The following NT5C2 variants were observed in gnomAD, a reference collection of about 807,000 sequenced individuals.
NT5C2 encodes the protein cytosolic purine 5'-nucleotidase.
NT5C2 carries 58 observed loss-of-function variants against 76.1 expected under a neutral mutation model. That is an observed-to-expected ratio of 0.76 (90% confidence interval 0.62 to 0.95). The LOEUF (loss-of-function observed/expected upper bound fraction) is 0.95, where lower values mean the gene tolerates loss of function less well. Ranked by LOEUF, NT5C2 falls within the 40% of genes least tolerant of loss-of-function variation. NT5C2 has a pLI of 0.00. For synonymous variants in NT5C2, 229 were observed against 237.4 expected, an observed-to-expected ratio of 0.96 and a Z score of 0.32; for missense variants, 478 against 690.3, an observed-to-expected ratio of 0.69 and a Z score of 3.45.
At chr10:103,188,623 G>A (rs1157251704) in intron 1 of NT5C2, among the ~76,000 whole-genome samples, 3 of 152,172 alleles carry the variant, frequency 2.0e-5, no homozygotes, top group Non-Finnish European at 4.4e-5. Context: ...AGATTTATGG[G>A]TCCAGATTCT....
At chr10:103,183,656 A>G (rs910621709) in intron 1 of NT5C2, among the ~76,000 whole-genome samples, 5 of 151,088 alleles carry the variant, frequency 3.3e-5, no homozygotes, top group African/African-American at 1.2e-4. Context: ...ACACATACAC[A>G]CACACATATA....
intron 4 of NT5C2, among the ~76,000 whole-genome samples, chr10:103,132,253 A>G (rs1217082232): frequency 1.3e-5 from 2 of 152,094 alleles, no homozygotes; most frequent in African/African-American, 2.4e-5. Context: ...AAAAAAAAAA[A>G]AAGTGTCATA....
chr10:103,134,818 A>G (rs749233693), intron 4 of NT5C2, among the ~76,000 whole-genome samples: 1 of 152,246 alleles, frequency 6.6e-6, no homozygotes, highest in Non-Finnish European at 1.5e-5. Flanking sequence ...GGAGCTGCCC[A>G]AAACCATGGG....
intron 5 of NT5C2, 110 bp downstream of exon 5, chr10:103,106,479 C>T: frequency 1.4e-6 from 1 of 710,348 alleles, no homozygotes; most frequent in Non-Finnish European, 2.4e-6. Flanking sequence ...AAGAATTATT[C>T]AATGTTTTGG....
intron 12 of NT5C2, among the ~76,000 whole-genome samples, chr10:103,095,683 C>G (rs2068002856): frequency 6.6e-6 from 1 of 152,194 alleles, no homozygotes; most frequent in African/African-American, 2.4e-5. Flanking sequence ...TGATCCCATC[C>G]TACTAAATAT....
chr10:103,130,036 C>CACCCT (rs2077789793), intron 4 of NT5C2, among the ~76,000 whole-genome samples: 1 of 151,774 alleles, frequency 6.6e-6, no homozygotes, highest in Non-Finnish European at 1.5e-5. Flanking sequence ...GCCCGGCCAC[C>CACCCT]ACCCTGTCTG....
chr10:103,185,939 A>G (rs1057202162), intron 1 of NT5C2, among the ~76,000 whole-genome samples: 6 of 152,120 alleles, frequency 3.9e-5, no homozygotes, highest in African/African-American at 1.5e-4. Context: ...TGCTAACATA[A>G]TAACAGCTGA....
At chr10:103,188,342 T>A (rs1482956748) in intron 1 of NT5C2, among the ~76,000 whole-genome samples, 1 of 151,342 alleles carries the variant, frequency 6.6e-6, no homozygotes, top group Non-Finnish European at 1.5e-5. Flanking sequence ...CAGGCGACAG[T>A]GCAAAAATCA....
intron 4 of NT5C2, among the ~76,000 whole-genome samples, chr10:103,126,135 G>C (rs1316393203): frequency 6.6e-6 from 1 of 152,116 alleles, no homozygotes; most frequent in Non-Finnish European, 1.5e-5. Context: ...TAATAAATTA[G>C]GAAACTAGAG....
At chr10:103,173,961 T>A (rs906492986) in intron 3 of NT5C2, among the ~76,000 whole-genome samples, 1 of 151,812 alleles carries the variant, frequency 6.6e-6, no homozygotes, top group Non-Finnish European at 1.5e-5. Flanking sequence ...CCAGCCGTGG[T>A]GACGCACGCC....
chr10:103,098,776 C>T (rs1405606356), intron 10 of NT5C2, 155 bp downstream of exon 10: 2 of 605,594 alleles, frequency 3.3e-6, no homozygotes, highest in East Asian at 2.9e-5. Flanking sequence ...AAGACCTATG[C>T]TCTAGCTGAA....
chr10:103,091,044 T>G, intron 16 of NT5C2, 48 bp from the exon 17 acceptor site: 2 of 1,531,794 alleles, frequency 1.3e-6, no homozygotes, highest in Non-Finnish European at 1.8e-6. Context: ...AAGAGCTTTT[T>G]TTTATTCTTT....
At chr10:103,183,621 T>C (rs2091601819) in intron 1 of NT5C2, among the ~76,000 whole-genome samples, 1 of 146,048 alleles carries the variant, frequency 6.8e-6, no homozygotes, top group Admixed American at 7.0e-5. Flanking sequence ...GTTCACGCCA[T>C]ATATATATAT....
chr10:103,176,794 C>T (rs2090051267), intron 2 of NT5C2, among the ~76,000 whole-genome samples: 1 of 152,160 alleles, frequency 6.6e-6, no homozygotes, highest in Non-Finnish European at 1.5e-5. Flanking sequence ...AGTTGGGAGC[C>T]ACCCGCCGGC....
At chr10:103,157,855 G>A (rs1379887677) in intron 3 of NT5C2, among the ~76,000 whole-genome samples, 1 of 152,098 alleles carries the variant, frequency 6.6e-6, no homozygotes, top group African/African-American at 2.4e-5. Flanking sequence ...CGGACAGATC[G>A]TGAGGTCAAG....
intron 1 of NT5C2, among the ~76,000 whole-genome samples, chr10:103,191,135 G>A (rs926352585): frequency 1.3e-5 from 2 of 152,222 alleles, no homozygotes; most frequent in Admixed American, 1.3e-4. Flanking sequence ...GCTCAAGCCT[G>A]TAATCCCAGT....
chr10:103,090,536 G>T, intron 18 of NT5C2, 75 bp downstream of exon 18: 1 of 1,310,008 alleles, frequency 7.6e-7, no homozygotes, highest in East Asian at 2.4e-5. Context: ...ACTATCTCCT[G>T]TGCCATCTCA....
chr10:103,098,872 A>G, intron 10 of NT5C2, 59 bp downstream of exon 10: 1 of 1,176,546 alleles, frequency 8.5e-7, no homozygotes, highest in Non-Finnish European at 1.2e-6. Flanking sequence ...CTTGTTATTA[A>G]TTTCCCTAAT....
chr10:103,106,501 G>A, intron 5 of NT5C2, 88 bp downstream of exon 5: 1 of 827,066 alleles, frequency 1.2e-6, no homozygotes, highest in Non-Finnish European at 2.0e-6. Context: ...GGGTTTTTTT[G>A]TTAAGGATAA....
Sources: allele counts gnomAD v4.1 joint callset (sites outside exome capture counted in the v4.1 genomes callset), GRCh38; gene constraint gnomAD v4.1.1; transcripts MANE v1.5; gene names NCBI Gene and HGNC (gene_info 2026-07-23, HGNC 2026-07-21).